The following ADK variants were observed in gnomAD, a reference collection of about 807,000 sequenced individuals.
ADK encodes the protein adenosine kinase, also known as N6,N6-dimethyladenosine kinase.
Under a neutral mutation model 44.7 loss-of-function variants are expected in ADK, and 24 were observed. The ratio of observed to expected loss-of-function variants is 0.54; its 90% CI spans 0.39 to 0.76. The LOEUF (loss-of-function observed/expected upper bound fraction) is 0.76, where lower values mean the gene tolerates loss of function less well. Ranked by LOEUF, ADK falls within the 30% of genes least tolerant of loss-of-function variation. ADK has a pLI of 0.00. For synonymous variants in ADK, 128 were observed against 142.6 expected, an observed-to-expected ratio of 0.90 and a Z score of 0.73; for missense variants, 321 against 425.1, an observed-to-expected ratio of 0.76 and a Z score of 2.15.
At chr10:74,390,148 CAG>C (rs1227803117) in intron 4 of ADK, among the ~76,000 whole-genome samples, 10 of 151,882 alleles carry the variant, frequency 6.6e-5, no homozygotes, top group Admixed American at 2.0e-4. Context: ...TAGAATAACA[CAG>C]AAATTTTCTG....
chr10:74,494,282 A>G (rs1168245034), intron 6 of ADK, among the ~76,000 whole-genome samples: 1 of 152,108 alleles, frequency 6.6e-6, no homozygotes, highest in East Asian at 1.9e-4. Context: ...GTACTTACCA[A>G]CTTCCTACTA....
chr10:74,663,105 T>C (rs1033116964), intron 9 of ADK, among the ~76,000 whole-genome samples: 1 of 151,706 alleles, frequency 6.6e-6, no homozygotes, highest in African/African-American at 2.4e-5. Context: ...GGCATAGTGG[T>C]GCACGCCTGT....
At chr10:74,336,266 A>G (rs73286291) in intron 4 of ADK, among the ~76,000 whole-genome samples, 3 of 152,100 alleles carry the variant, frequency 2.0e-5, no homozygotes, top group Non-Finnish European at 4.4e-5. Context: ...TATCCAATTG[A>G]TCCATTACTC....
At chr10:74,330,506 T>C (rs1841180897) in intron 4 of ADK, among the ~76,000 whole-genome samples, 1 of 152,216 alleles carries the variant, frequency 6.6e-6, no homozygotes, top group African/African-American at 2.4e-5. Context: ...TTCCCTTCTC[T>C]TGAATATGGC....
intron 4 of ADK, among the ~76,000 whole-genome samples, chr10:74,364,215 T>C (rs1230866335): frequency 1.3e-5 from 2 of 152,236 alleles, no homozygotes; most frequent in East Asian, 3.8e-4. Context: ...TCTCATGCCT[T>C]GAGTCTAATC....
intron 6 of ADK, among the ~76,000 whole-genome samples, chr10:74,401,590 G>C (rs972962769): frequency 6.7e-6 from 1 of 148,870 alleles, no homozygotes; most frequent in Non-Finnish European, 1.5e-5. Flanking sequence ...TTTTCCATTT[G>C]CTTGGTAGAT....
chr10:74,169,173 T>A (rs1458217653), intron 1 of ADK, among the ~76,000 whole-genome samples: 1 of 149,018 alleles, frequency 6.7e-6, no homozygotes, highest in African/African-American at 2.5e-5. Flanking sequence ...GAACCAAGAT[T>A]GTGCCAGTAC....
intron 10 of ADK, among the ~76,000 whole-genome samples, chr10:74,671,038 TAAA>T (rs10670267): frequency 1.0e-5 from 1 of 99,100 alleles, no homozygotes; most frequent in African/African-American, 4.0e-5. Flanking sequence ...CAGGTTAATT[TAAA>T]AAAAAAAAAA....
chr10:74,602,022 T>C (rs1050353136), intron 9 of ADK, among the ~76,000 whole-genome samples: 1 of 148,996 alleles, frequency 6.7e-6, no homozygotes, highest in Non-Finnish European at 1.5e-5. Flanking sequence ...AGAAGATCAC[T>C]TGAGCCCAGA....
At chr10:74,438,619 T>C (rs1845275497) in intron 6 of ADK, among the ~76,000 whole-genome samples, 1 of 152,154 alleles carries the variant, frequency 6.6e-6, no homozygotes, top group Admixed American at 6.5e-5. Context: ...AATATTATTA[T>C]TTTGTATACT....
chr10:74,577,974 G>C (rs1235077735), intron 7 of ADK, among the ~76,000 whole-genome samples: 1 of 151,888 alleles, frequency 6.6e-6, no homozygotes, highest in African/African-American at 2.4e-5. Flanking sequence ...TTTTTCAAGA[G>C]TGAATTTTGT....
intron 6 of ADK, among the ~76,000 whole-genome samples, chr10:74,517,557 T>C (rs1343185552): frequency 6.6e-6 from 1 of 151,656 alleles, no homozygotes; most frequent in East Asian, 1.9e-4. Context: ...GGCGTCGTGG[T>C]GCATGCCTGT....
chr10:74,635,435 A>C (rs1017721443), intron 9 of ADK, among the ~76,000 whole-genome samples: 1 of 152,194 alleles, frequency 6.6e-6, no homozygotes, highest in Non-Finnish European at 1.5e-5. Context: ...AGTATATACT[A>C]TGTGATTCCA....
At chr10:74,580,164 C>T (rs1589267713) in intron 7 of ADK, among the ~76,000 whole-genome samples, 1 of 152,236 alleles carries the variant, frequency 6.6e-6, no homozygotes, top group South Asian at 2.1e-4. Context: ...CCAAATCTCA[C>T]CTTGAATTCC....
At chr10:74,464,162 A>G (rs1047862145) in intron 6 of ADK, among the ~76,000 whole-genome samples, 6 of 152,144 alleles carry the variant, frequency 3.9e-5, no homozygotes, top group Admixed American at 1.3e-4. Flanking sequence ...TACCGTATAC[A>G]TGATACTCAA....
In ADK at chr10:74,363,591, A is replaced by G. The variant is rs116808435; in HGVS notation, c.274-30550A>G. On this transcript the variant is annotated intron_variant, in intron 4 of 10. Coordinates refer to ENST00000539909, the MANE Select transcript of ADK (RefSeq NM_006721.4). ...TCTGCTGTGGGATGGTGGCTGGAGAACCTGGTCTGAGCATGCATCTCACCA... is the reference window on the plus strand; with the variant it reads ...TCTGCTGTGGGATGGTGGCTGGAGAGCCTGGTCTGAGCATGCATCTCACCA... Among the ~76,000 whole-genome samples the G allele has an allele frequency of 3.4e-3, 507 of 149,858 alleles. 2 individuals are homozygous for G. Among genetic ancestry groups the G allele is most frequent in the South Asian group, 0.015 (72 of 4,716 alleles).
chr10:74,385,917 C>T lies in ADK; in HGVS notation c.274-8224C>T, dbSNP rs372365398. ...CAATAGAACTATTTCAGGGAAAGAA[C>T]AGGATTATTAGAAATTGATTTTTAT... On this transcript the variant is annotated intron_variant, in intron 4 of 10. Transcript: ENST00000539909. Among the ~76,000 whole-genome samples, 35 of 152,168 alleles carry T rather than the reference C, an allele frequency of 2.3e-4. 1 individual carries two copies. The highest frequency in any genetic ancestry group is 6.8e-3 in the Middle Eastern group (2 of 294).
chr10:74,405,823 T>A (rs551010781), intron 6 of ADK, among the ~76,000 whole-genome samples: 1 of 152,222 alleles, frequency 6.6e-6, no homozygotes, highest in Admixed American at 6.5e-5. Context: ...AAACAGCCAC[T>A]ATTTCCAAAT....
chr10:74,707,964 A>G (rs1428067655), intron 10 of ADK, among the ~76,000 whole-genome samples: 1 of 151,996 alleles, frequency 6.6e-6, no homozygotes, highest in Admixed American at 6.6e-5. Flanking sequence ...CAGCCTGGCC[A>G]GCATGGTGAA....
Sources: allele counts gnomAD v4.1 joint callset (sites outside exome capture counted in the v4.1 genomes callset), GRCh38; gene constraint gnomAD v4.1.1; transcripts MANE v1.5; gene names NCBI Gene and HGNC (gene_info 2026-07-23, HGNC 2026-07-21).